DYNAP: variants seen among roughly 807,000 people sequenced by gnomAD.
The protein encoded by DYNAP is dynactin associated protein.
In DYNAP, 7 loss-of-function variants were observed where a neutral mutation model predicts 8.5. The ratio of observed to expected loss-of-function variants is 0.82; its 90% CI spans 0.47 to 1.54. The LOEUF is 1.54. DYNAP is among the 40% of genes most tolerant of loss of function. DYNAP has a pLI of 0.01. For synonymous variants in DYNAP, 77 were observed against 77.9 expected (o/e 0.99, Z 0.06); for missense variants, 256 against 224.3 (o/e 1.14, Z -0.90).
chr18:54,598,330 A>G lies in DYNAP; in HGVS notation c.*185A>G. 1.7e-6 allele frequency: 1 copy of G among 599,258 alleles called. No individual in the cohort carries two copies. The highest frequency in any genetic ancestry group is 2.8e-6 in the Non-Finnish European group (1 of 354,628). 37.1% of individuals were successfully genotyped at this position (599,258 alleles called of 1,614,324 possible). On this transcript the variant is annotated 3_prime_UTR_variant, in exon 3 of 3. Coordinates refer to ENST00000648945, the MANE Select transcript of DYNAP (RefSeq NM_173629.3). ...CTACTTCAACTTAAACTTACTTGAC[A>G]ACTCAAATAATCACCACTTCGACCA...
At chr18:54,584,518 C>T (rs368916181), upstream of DYNAP, among the ~76,000 whole-genome samples, 1 of 151,994 alleles carries the variant, frequency 6.6e-6, no homozygotes. Flanking sequence ...ATCTGGGCAA[C>T]TCCACACCTG....
upstream of DYNAP, among the ~76,000 whole-genome samples, chr18:54,584,001 T>C (rs1052618972): frequency 1.3e-5 from 2 of 151,850 alleles, no homozygotes; most frequent in African/African-American, 2.4e-5. Flanking sequence ...CAACTCCAAA[T>C]TACGTATAAG....
chr18:54,591,085 G>C, upstream of DYNAP: 1 of 1,041,370 alleles, frequency 9.6e-7, no homozygotes, highest in Non-Finnish European at 1.3e-6. Flanking sequence ...TCTTTCTGCA[G>C]TTAACATTTC....
the DYNAP span, among the ~76,000 whole-genome samples, chr18:54,575,806 C>T: frequency 6.6e-6 from 1 of 151,614 alleles, no homozygotes; most frequent in Non-Finnish European, 1.5e-5. Context: ...ACATAACATG[C>T]ACACACACAC....
intron 1 of DYNAP, among the ~76,000 whole-genome samples, chr18:54,594,383 C>T (rs933250965): frequency 4.6e-5 from 7 of 152,038 alleles, no homozygotes; most frequent in African/African-American, 1.7e-4. Flanking sequence ...TCACTAGTAT[C>T]ATGTAGTATA....
upstream of DYNAP, among the ~76,000 whole-genome samples, chr18:54,589,232 A>G (rs1461081311): frequency 6.6e-6 from 1 of 152,166 alleles, no homozygotes; most frequent in Non-Finnish European, 1.5e-5. Context: ...TAGAGTGGAA[A>G]AAATGGCCAG....
chr18:54,584,705 C>T (rs111464060), upstream of DYNAP, among the ~76,000 whole-genome samples: 3 of 152,290 alleles, frequency 2.0e-5, no homozygotes, highest in South Asian at 4.2e-4. Flanking sequence ...GAACTGTGCT[C>T]AGGCCCAGGG....
Position 54,599,060 on chromosome 18 carries a change from CCAAG to C in DYNAP, c.*917_*920del, listed in dbSNP as rs1296693726. 1 of 152,118 alleles carries C rather than the reference CCAAG, an allele frequency of 6.6e-6. No homozygotes were observed. Among genetic ancestry groups the C allele is most frequent in the East Asian group, 1.9e-4 (1 of 5,202 alleles). 9.4% of individuals were successfully genotyped at this position (152,118 alleles called of 1,614,324 possible). The stretch of plus-strand genomic sequence containing the variant: ...CTTTGAGTTGTCCTGCCTTTCTGAA[CCAAG>C]CCAATGTATTTCTTAAATGTATTTG... On this transcript the variant is annotated 3_prime_UTR_variant, in exon 3 of 3. Coordinates refer to ENST00000648945, the MANE Select transcript of DYNAP (RefSeq NM_173629.3).
intron 2 of DYNAP, 103 bp from the exon 3 acceptor site, chr18:54,597,710 A>G (rs567707889): frequency 8.6e-7 from 1 of 1,162,992 alleles, no homozygotes; most frequent in African/African-American, 1.6e-5. Flanking sequence ...ACACATAGTG[A>G]CTCAAATGAT....
chr18:54,577,829 C>T, the DYNAP span, among the ~76,000 whole-genome samples: 35 of 151,198 alleles, frequency 2.3e-4, no homozygotes, highest in Middle Eastern at 6.9e-3. Context: ...TAGCCGGGCA[C>T]GGTGGCAGGT....
At position 54,598,078 on chromosome 18, in the gene DYNAP, C is replaced by T. The variant is rs545343652; in HGVS notation, c.488C>T (p.Thr163Ile). The T allele has an allele frequency of 1.9e-6, 3 of 1,613,138 alleles. No individual in the cohort carries two copies. The South Asian group carries it at 3.3e-5, about 18-fold the overall frequency. Residue 163 changes from threonine to isoleucine, a missense_variant, in exon 3 of 3, where the codon ACT becomes ATT. Coordinates refer to ENST00000648945, the MANE Select transcript of DYNAP (RefSeq NM_173629.3). Reference protein sequence around the residue: ...VPASTATESTTSTATAATTST... With the variant: ...VPASTATESTISTATAATTST... The stretch of plus-strand genomic sequence containing the variant: ...GCAAGTACAGCCACTGAATCTACAA[C>T]TTCAACAGCTACAGCTGCCACCACT...
chr18:54,577,759 G>C, the DYNAP span, among the ~76,000 whole-genome samples: 1 of 151,852 alleles, frequency 6.6e-6, no homozygotes, highest in African/African-American at 2.4e-5. Flanking sequence ...CACAAAGTCA[G>C]AAGTTCGAGA....
chr18:54,586,545 C>G (rs1910886742), upstream of DYNAP, among the ~76,000 whole-genome samples: 2 of 152,158 alleles, frequency 1.3e-5, no homozygotes, highest in South Asian at 4.1e-4. Context: ...TGATACATGT[C>G]ATCAGAATCT....
chr18:54,596,416 G>A (rs35450302), intron 2 of DYNAP, among the ~76,000 whole-genome samples: 3,255 of 152,100 alleles, frequency 0.021, 76 homozygotes, highest in Admixed American at 0.072. Flanking sequence ...ATCACCTGGG[G>A]ACTGTTTAAG....
chr18:54,585,830 G>A (rs887467006), upstream of DYNAP, among the ~76,000 whole-genome samples: 16 of 152,150 alleles, frequency 1.1e-4, no homozygotes, highest in African/African-American at 3.1e-4. Flanking sequence ...GTGAGCTCTC[G>A]TCTTTTACCA....
At chr18:54,593,974 G>C (rs754121066) in intron 1 of DYNAP, among the ~76,000 whole-genome samples, 36 of 151,990 alleles carry the variant, frequency 2.4e-4, no homozygotes, top group Non-Finnish European at 4.4e-5. Flanking sequence ...TTTTCCACAA[G>C]ATCCATAAAT....
At position 54,595,003 on chromosome 18, in the gene DYNAP, A is replaced by G. The variant is rs781516572; in HGVS notation, c.122A>G (p.Asp41Gly). The G allele has an allele frequency of 6.2e-7, 1 of 1,612,848 alleles. No individual in the cohort carries two copies. The highest frequency in any genetic ancestry group is 1.7e-5 in the Admixed American group (1 of 59,910). Residue 41 changes from aspartate (D) to glycine (G), a missense_variant, in exon 2 of 3, where the codon GAT becomes GGT. Physicochemically the swap from Asp to Gly is moderately conservative, Grantham distance 94. Coordinates refer to ENST00000648945, the MANE Select transcript of DYNAP (RefSeq NM_173629.3). ...ATATGCTGGTGTCTACCTTCAAATG[A>G]TATAACCAGTGATGTCTCTCCCAAC... Reference protein sequence around the residue: ...SSICWCLPSNDITSDVSPNLT... With the variant: ...SSICWCLPSNGITSDVSPNLT...
rs1176814768 is a variant in DYNAP at position 54,593,722 on chromosome 18, C to G, written c.58-1217C>G. ...AGAGGAGTGCTTGAGCCCAGGAGAT[C>G]TAGACCATCCTGAGCAACATATGGA... On this transcript the variant is annotated intron_variant, in intron 1 of 2. Coordinates refer to ENST00000648945, the MANE Select transcript of DYNAP (RefSeq NM_173629.3). 7.2e-5 allele frequency among the ~76,000 whole-genome samples: 11 copies of G among 152,152 alleles called. No individual in the cohort carries two copies. The East Asian group carries it at 2.1e-3, about 29-fold the overall frequency.
At chr18:54,595,710 T>C (rs1300985312) in intron 2 of DYNAP, among the ~76,000 whole-genome samples, 1 of 152,126 alleles carries the variant, frequency 6.6e-6, no homozygotes, top group East Asian at 1.9e-4. Flanking sequence ...GAATGAACTT[T>C]ACCTCACGAC....
Sources: gnomAD v4.1 joint callset for allele counts (sites outside exome capture counted in the v4.1 genomes callset) on GRCh38, gnomAD v4.1.1 for gene constraint, MANE v1.5 for transcripts, NCBI Gene and HGNC (gene_info 2026-07-23, HGNC 2026-07-21) for gene names.